The following TMCC2 variants were observed in gnomAD, a reference collection of about 807,000 sequenced individuals.
TMCC2 encodes the protein transmembrane and coiled-coil domains protein 2.
In TMCC2, 16 loss-of-function variants were observed where a neutral mutation model predicts 49.4. The ratio of observed to expected loss-of-function variants is 0.32; its 90% CI spans 0.22 to 0.49. TMCC2 has a LOEUF of 0.49. TMCC2 is among the 20% of genes least tolerant of loss of function. The pLI is 0.99. For missense variants in TMCC2, 762 were observed against 989.8 expected (o/e 0.77, Z 3.09); for synonymous variants, 397 against 434.1 (o/e 0.91, Z 1.06).
chr1:205,230,463 G>A (rs113791512), intron 1 of TMCC2, among the ~76,000 whole-genome samples: 3,777 of 152,230 alleles, frequency 0.025, 65 homozygotes, highest in East Asian at 0.067. Flanking sequence ...CATGTGGTCA[G>A]GAGGTGTAGT....
rs1009287711 is a variant in TMCC2, at chr1:205,250,323, C to G, written c.747+8279C>G. On this transcript the variant is annotated intron_variant, in intron 2 of 4. Transcript: ENST00000358024. ...TGGGAGGCCGAGGTGGGTGTATCAC[C>G]TGAGGTCAGGCGTCCGAGACCACCC... Among the ~76,000 whole-genome samples, 6 of 152,220 alleles carry G rather than the reference C, an allele frequency of 3.9e-5. 1 individual carries two copies. In the South Asian group the frequency reaches 1.0e-3, roughly 26 times the overall value.
intron 2 of TMCC2, chr1:205,257,173 C>T (rs1660908837): frequency 8.1e-7 from 1 of 1,232,546 alleles, no homozygotes; most frequent in Non-Finnish European, 1.0e-6. Flanking sequence ...AGCAATCCGC[C>T]CCTAATCCCC....
intron 1 of TMCC2, among the ~76,000 whole-genome samples, chr1:205,239,167 G>T (rs1660170796): frequency 1.3e-5 from 2 of 152,170 alleles, no homozygotes; most frequent in Admixed American, 1.3e-4. Flanking sequence ...AGGAATGGGG[G>T]GAGAAGAGGA....
At chr1:205,253,403 C>T (rs1660744165) in intron 2 of TMCC2, among the ~76,000 whole-genome samples, 1 of 152,140 alleles carries the variant, frequency 6.6e-6, no homozygotes, top group Non-Finnish European at 1.5e-5. Flanking sequence ...CCTTCCAGTC[C>T]ACCCTTCTCA....
intron 2 of TMCC2, among the ~76,000 whole-genome samples, chr1:205,252,287 C>G (rs1343906986): frequency 5.3e-5 from 8 of 152,222 alleles, no homozygotes; most frequent in Non-Finnish European, 7.3e-5. Context: ...TCCCTGGAAG[C>G]AGCTGAAAGG....
Position 205,262,769 on chromosome 1 carries a change from C to G in TMCC2, c.748-6181C>G, listed in dbSNP as rs376135209. Reference sequence around the variant, plus strand: ...TCCAGGCAAACTCTGCCTACATCCCCGTGTCCTTCTTTGCATCCCTGATGG... The same window carrying G: ...TCCAGGCAAACTCTGCCTACATCCCGGTGTCCTTCTTTGCATCCCTGATGG... On this transcript the variant is annotated intron_variant, in intron 2 of 4. Coordinates refer to ENST00000358024, the MANE Select transcript of TMCC2 (RefSeq NM_014858.4). Among the ~76,000 whole-genome samples, 13 of 152,248 alleles carry G rather than the reference C, an allele frequency of 8.5e-5. No homozygotes were observed. In the East Asian group the frequency reaches 2.5e-3, roughly 29 times the overall value.
At chr1:205,250,922 A>G (rs937720171) in intron 2 of TMCC2, among the ~76,000 whole-genome samples, 16 of 152,192 alleles carry the variant, frequency 1.1e-4, no homozygotes, top group African/African-American at 3.4e-4. Context: ...GGGCTGGGTC[A>G]TGGGAGTTGG....
chr1:205,234,225 C>T (rs113043890), intron 1 of TMCC2: 40,651 of 152,062 alleles, frequency 0.27, 7,170 homozygotes, highest in Non-Finnish European at 0.39. Context: ...ATGGGTGGAT[C>T]ATGAGGTCAG....
chr1:205,236,138 G>T (rs1294914048), intron 1 of TMCC2, among the ~76,000 whole-genome samples: 1 of 151,658 alleles, frequency 6.6e-6, no homozygotes, highest in Non-Finnish European at 1.5e-5. Context: ...TTCCAGCCAG[G>T]TTAACTGAGT....
At chr1:205,257,626 C>T (rs1660931887) in intron 2 of TMCC2, among the ~76,000 whole-genome samples, 1 of 152,198 alleles carries the variant, frequency 6.6e-6, no homozygotes, top group African/African-American at 2.4e-5. Context: ...GAGATGCCTC[C>T]AGAAGCTGTG....
chr1:205,236,084 A>T (rs1471670719), intron 1 of TMCC2, among the ~76,000 whole-genome samples: 2 of 152,022 alleles, frequency 1.3e-5, no homozygotes. Context: ...AAAAAAAAAA[A>T]AAAGAACAGT....
At chr1:205,258,631 C>T (rs777416979) in intron 2 of TMCC2, among the ~76,000 whole-genome samples, 24 of 152,156 alleles carry the variant, frequency 1.6e-4, no homozygotes, top group African/African-American at 3.1e-4. Flanking sequence ...CCAGCCCCAC[C>T]GGGCTATTCC....
At chr1:205,229,126 T>TGAGTAA (rs1659678001) in intron 1 of TMCC2, 12 of 1,134,236 alleles carry the variant, frequency 1.1e-5, no homozygotes, top group Non-Finnish European at 1.2e-5. Context: ...TTTTCCTTGC[T>TGAGTAA]GAGTAAGTCT....
chr1:205,269,960 G>A (rs1420588967), intron 3 of TMCC2, 76 bp downstream of exon 3: 1 of 1,441,408 alleles, frequency 6.9e-7, no homozygotes, highest in Non-Finnish European at 9.4e-7. Flanking sequence ...TTCAGACCCA[G>A]GGTGTGGAGG....
At chr1:205,270,047 T>C (rs1326344472) in intron 3 of TMCC2, among the ~76,000 whole-genome samples, 163 bp downstream of exon 3, 3 of 143,644 alleles carry the variant, frequency 2.1e-5, no homozygotes, top group African/African-American at 4.9e-5. Context: ...TCTTTCTTTT[T>C]TCCTTCTGTA....
At chr1:205,257,358 C>A in intron 2 of TMCC2, 1 of 1,232,256 alleles carries the variant, frequency 8.1e-7, no homozygotes, top group East Asian at 3.2e-5. Context: ...GGAAACAGTG[C>A]CCACACAGGT....
intron 2 of TMCC2, among the ~76,000 whole-genome samples, chr1:205,263,308 A>G (rs1014543329): frequency 1.3e-5 from 2 of 151,968 alleles, no homozygotes; most frequent in Non-Finnish European, 2.9e-5. Context: ...GGACCTTTCT[A>G]AGGATTTGCA....
At chr1:205,231,577 G>C (rs956664219) in intron 1 of TMCC2, among the ~76,000 whole-genome samples, 2 of 152,180 alleles carry the variant, frequency 1.3e-5, no homozygotes, top group East Asian at 3.9e-4. Context: ...GATTACAGGT[G>C]TGAGCCACCG....
Position 205,241,982 on chromosome 1 carries a change from C to T in TMCC2, c.685C>T (p.Leu229=), listed in dbSNP as rs147370560. The change falls in exon 2 of 5, where the codon CTG becomes TTG. Residue 229 remains leucine, a synonymous_variant. Transcript: ENST00000358024. The surrounding 1 kb of genome is among the most constrained non-coding windows in gnomAD (Gnocchi z 7.3). ...TTCCTCCACCACCGACACTGCTCTG[C>T]TGCTGGCCGACGGCAGCAACGTGTA... The part of the protein sequence containing the change: ...RSSSTTDTAL[L]LADGSNVYLL... The T allele has an allele frequency of 2.3e-5, 37 of 1,610,246 alleles. No homozygotes were observed. In the African/African-American group the frequency reaches 4.4e-4, roughly 19 times the overall value.
Sources: allele counts gnomAD v4.1 joint callset (sites outside exome capture counted in the v4.1 genomes callset), GRCh38; gene constraint gnomAD v4.1.1; non-coding constraint Gnocchi (gnomAD v3.1); transcripts MANE v1.5; gene names NCBI Gene and HGNC (gene_info 2026-07-23, HGNC 2026-07-21).